The following ANKRD31 variants were observed in gnomAD, a reference collection of about 807,000 sequenced individuals.
ANKRD31 encodes ankyrin repeat domain-containing protein 31.
In ANKRD31, 147 loss-of-function variants were observed where a neutral mutation model predicts 186.0. That is an observed-to-expected ratio of 0.79 (90% confidence interval 0.69 to 0.91). The LOEUF (loss-of-function observed/expected upper bound fraction) is 0.91. Among genes scored for constraint, ANKRD31 ranks in the 40% least tolerant of loss-of-function variants. The pLI, the probability that ANKRD31 is intolerant of heterozygous loss-of-function variation, is 0.00. For missense variants in ANKRD31, 1,986 were observed against 2,148.8 expected, an observed-to-expected ratio of 0.92 and a Z score of 1.50; for synonymous variants, 673 against 736.4, an observed-to-expected ratio of 0.91 and a Z score of 1.39.
Position 75,068,418 on chromosome 5 carries a change from A to T in ANKRD31, c.*101T>A. 1 of 1,128,584 alleles carries T rather than the reference A, an allele frequency of 8.9e-7. No individual in the cohort carries two copies. Among genetic ancestry groups the T allele is most frequent in the Non-Finnish European group, 1.2e-6 (1 of 849,568 alleles). 69.9% of individuals were successfully genotyped at this position (1,128,584 alleles called of 1,614,324 possible). ...ATACATCCTAAATAGCAACTCATAA[A>T]GTGTATGTTAAAATAGGCCCACCAG... On this transcript the variant is annotated 3_prime_UTR_variant, in exon 26 of 26. Coordinates refer to ENST00000506364, the MANE Select transcript of ANKRD31 (RefSeq NM_001372053.1).
At chr5:75,217,577 C>T (rs1757036016) in intron 3 of ANKRD31, among the ~76,000 whole-genome samples, 1 of 152,080 alleles carries the variant, frequency 6.6e-6, no homozygotes, top group South Asian at 2.1e-4. Flanking sequence ...AGGATTGCAT[C>T]ACCTGCTTTT....
At chr5:75,161,893 T>C (rs1171165121) in intron 11 of ANKRD31, among the ~76,000 whole-genome samples, 4 of 152,232 alleles carry the variant, frequency 2.6e-5, no homozygotes, top group East Asian at 1.9e-4. Context: ...AAGTCAAGAA[T>C]TGGGGTTTGG....
At chr5:75,111,707 A>C (rs1747803451) in intron 20 of ANKRD31, among the ~76,000 whole-genome samples, 1 of 152,212 alleles carries the variant, frequency 6.6e-6, no homozygotes, top group African/African-American at 2.4e-5. Context: ...AAAATATGTG[A>C]GTCATCAAGG....
In ANKRD31 at chr5:75,214,078, T is replaced by C. The variant is rs183188252; in HGVS notation, c.289-3213A>G. On this transcript the variant is annotated intron_variant, in intron 3 of 25. Coordinates refer to ENST00000506364, the MANE Select transcript of ANKRD31 (RefSeq NM_001372053.1). ...AGTGAGGTACCCAAACTTGGTCATGTATATAGATATTTAAAAATATTTTCA... is the reference window on the plus strand; with the variant it reads ...AGTGAGGTACCCAAACTTGGTCATGCATATAGATATTTAAAAATATTTTCA... 1.6e-3 allele frequency among the ~76,000 whole-genome samples: 238 copies of C among 152,368 alleles called. 1 individual carries two copies. The highest frequency in any genetic ancestry group is 9.9e-3 in the South Asian group (48 of 4,828).
At chr5:75,231,642 C>T (rs553758413) in intron 1 of ANKRD31, among the ~76,000 whole-genome samples, 5 of 152,134 alleles carry the variant, frequency 3.3e-5, no homozygotes, top group African/African-American at 7.2e-5. Flanking sequence ...AACAAGTACA[C>T]GAAACGAAAA....
rs768240858 is a variant in ANKRD31 at position 75,154,293 on chromosome 5, T to C, written c.1760A>G (p.Asp587Gly). 6.5e-5 allele frequency: 100 copies of C among 1,535,938 alleles called. 1 individual carries two copies. In the South Asian group the frequency reaches 8.5e-4, roughly 13 times the overall value. ...NGADPLFRND[D>G]GKCALDEAKD... ...GGCCTCATCCAAAGCACATTTTCCA[T>C]CATCATTTCTAAATAATGGATCAGC... Residue 587 changes from aspartate (D) to glycine (G), a missense_variant, in exon 12 of 26, where the codon GAT becomes GGT. Transcript: ENST00000506364.
chr5:75,076,549 C>T (rs965268331), intron 25 of ANKRD31, among the ~76,000 whole-genome samples: 3 of 152,162 alleles, frequency 2.0e-5, no homozygotes, highest in African/African-American at 7.2e-5. Context: ...TCTCTGAGCC[C>T]CGTCATTTAG....
chr5:75,148,481 A>G, intron 13 of ANKRD31, 95 bp downstream of exon 13: 1 of 843,248 alleles, frequency 1.2e-6, no homozygotes, highest in South Asian at 2.1e-5. Flanking sequence ...CATTATTACT[A>G]AAGCTTCAGC....
At chr5:75,195,451 G>A (rs955157735) in intron 7 of ANKRD31, among the ~76,000 whole-genome samples, 180 bp downstream of exon 7, 3 of 151,790 alleles carry the variant, frequency 2.0e-5, no homozygotes, top group Admixed American at 1.3e-4. Flanking sequence ...GTATCTTCTC[G>A]GTGTTGATAT....
At chr5:75,148,336 T>A (rs1751618578) in intron 13 of ANKRD31, among the ~76,000 whole-genome samples, 1 of 151,786 alleles carries the variant, frequency 6.6e-6, no homozygotes, top group Non-Finnish European at 1.5e-5. Flanking sequence ...TTGATAAACC[T>A]TAAGCTCCAT....
intron 23 of ANKRD31, among the ~76,000 whole-genome samples, chr5:75,090,415 T>C (rs1322946228): frequency 2.0e-5 from 3 of 152,090 alleles, no homozygotes; most frequent in African/African-American, 4.8e-5. Context: ...GGACACAGAA[T>C]ATAGACTTTA....
At chr5:75,220,841 T>C (rs1443464479) in intron 3 of ANKRD31, among the ~76,000 whole-genome samples, 1 of 152,124 alleles carries the variant, frequency 6.6e-6, no homozygotes, top group East Asian at 1.9e-4. Flanking sequence ...GGCTTATGCT[T>C]GTAACCCCAG....
chr5:75,216,655 T>A (rs1183739285), intron 3 of ANKRD31, among the ~76,000 whole-genome samples: 1 of 152,188 alleles, frequency 6.6e-6, no homozygotes, highest in Non-Finnish European at 1.5e-5. Flanking sequence ...TTCCTAAGTA[T>A]GATATTAAGT....
chr5:75,185,029 T>C (rs989445896), intron 10 of ANKRD31, among the ~76,000 whole-genome samples: 9 of 152,054 alleles, frequency 5.9e-5, no homozygotes, highest in African/African-American at 2.2e-4. Context: ...TATTCAGCCA[T>C]AAAAAAAGAA....
chr5:75,228,789 G>C (rs1757784551), intron 2 of ANKRD31, among the ~76,000 whole-genome samples: 1 of 152,066 alleles, frequency 6.6e-6, no homozygotes, highest in South Asian at 2.1e-4. Flanking sequence ...AACTTGGTTG[G>C]AATATTGAAA....
At chr5:75,091,567 AATG>A (rs1243312462) in intron 22 of ANKRD31, among the ~76,000 whole-genome samples, 166 bp from the exon 23 acceptor site, 2 of 152,304 alleles carry the variant, frequency 1.3e-5, no homozygotes, top group Non-Finnish European at 1.5e-5. Context: ...GCATGCAGCA[AATG>A]ATGAACCATC....
intron 9 of ANKRD31, among the ~76,000 whole-genome samples, chr5:75,190,527 G>A (rs1196351474): frequency 6.6e-6 from 1 of 151,958 alleles, no homozygotes; most frequent in Non-Finnish European, 1.5e-5. Context: ...ACCTCTGAAG[G>A]TGTTACAGAC....
At chr5:75,083,378 C>CA (rs1745229036) in intron 24 of ANKRD31, among the ~76,000 whole-genome samples, 1 of 152,110 alleles carries the variant, frequency 6.6e-6, no homozygotes, top group Non-Finnish European at 1.5e-5. Context: ...ACCAGGTGCT[C>CA]AAACAAATAT....
At chr5:75,075,062 TA>T in intron 25 of ANKRD31, among the ~76,000 whole-genome samples, 1 of 152,336 alleles carries the variant, frequency 6.6e-6, no homozygotes, top group East Asian at 1.9e-4. Flanking sequence ...CTTAAATAAG[TA>T]AAATGTATTA....
Sources: gnomAD v4.1 joint callset for allele counts (sites outside exome capture counted in the v4.1 genomes callset) on GRCh38, gnomAD v4.1.1 for gene constraint, MANE v1.5 for transcripts, NCBI Gene and HGNC (gene_info 2026-07-23, HGNC 2026-07-21) for gene names.